The following ADAMTS17 variants were observed in gnomAD, a reference collection of about 807,000 sequenced individuals.
ADAMTS17 encodes ADAM metallopeptidase with thrombospondin type 1 motif 17.
ADAMTS17 carries 113 observed loss-of-function variants against 141.5 expected under a neutral mutation model. That is an observed-to-expected ratio of 0.80 (90% CI 0.69 to 0.93). The LOEUF (loss-of-function observed/expected upper bound fraction) is 0.93. Ranked by LOEUF, ADAMTS17 falls within the 40% of genes least tolerant of loss-of-function variation. The pLI is 0.00. For missense variants in ADAMTS17, 1,659 were observed against 1,517.9 expected (o/e 1.09, Z -1.54); for synonymous variants, 768 against 630.6 (o/e 1.22, Z -3.27).
chr15:100,117,379 G>A (rs1216268998), intron 12 of ADAMTS17, among the ~76,000 whole-genome samples: 1 of 150,670 alleles, frequency 6.6e-6, no homozygotes, highest in South Asian at 2.1e-4. Flanking sequence ...GTGTTCTGCA[G>A]GGGTCTTCTC....
At chr15:100,218,632 C>T (rs1405704222) in intron 7 of ADAMTS17, among the ~76,000 whole-genome samples, 8 of 152,196 alleles carry the variant, frequency 5.3e-5, no homozygotes, top group East Asian at 1.9e-4. Context: ...GAATGTAAAA[C>T]GGTGTAGACA....
chr15:100,091,850 T>C (rs146729847), intron 15 of ADAMTS17, among the ~76,000 whole-genome samples: 5 of 152,346 alleles, frequency 3.3e-5, no homozygotes, highest in Non-Finnish European at 7.4e-5. Flanking sequence ...TTTCTCTTCT[T>C]ACAAAAGTTA....
At chr15:100,310,866 G>A (rs549124410) in intron 3 of ADAMTS17, among the ~76,000 whole-genome samples, 1 of 152,300 alleles carries the variant, frequency 6.6e-6, no homozygotes, top group East Asian at 1.9e-4. Flanking sequence ...CCCCATACAG[G>A]TTCCAGCAGG....
chr15:99,985,069 C>T (rs1203259457), intron 20 of ADAMTS17, among the ~76,000 whole-genome samples: 1 of 152,236 alleles, frequency 6.6e-6, no homozygotes, highest in Non-Finnish European at 1.5e-5. Context: ...TCAGCAAGCT[C>T]ACTGCTCTCA....
intron 18 of ADAMTS17, among the ~76,000 whole-genome samples, chr15:100,045,599 T>A (rs527288360): frequency 1.1e-4 from 17 of 152,284 alleles, no homozygotes; most frequent in African/African-American, 3.6e-4. Context: ...TTCCCAGAGA[T>A]TCTTGAGATA....
intron 10 of ADAMTS17, among the ~76,000 whole-genome samples, chr15:100,134,312 G>C (rs569221712): frequency 6.6e-6 from 1 of 152,196 alleles, no homozygotes; most frequent in African/African-American, 2.4e-5. Context: ...AGTGCTTCCT[G>C]GGATCACTTC....
chr15:100,142,554 A>T (rs2038709090), intron 10 of ADAMTS17, among the ~76,000 whole-genome samples: 1 of 152,250 alleles, frequency 6.6e-6, no homozygotes, highest in Admixed American at 6.5e-5. Context: ...GCTTTAATTC[A>T]GTTACTACTA....
At chr15:100,337,182 C>A (rs1050504397) in intron 2 of ADAMTS17, among the ~76,000 whole-genome samples, 2 of 152,246 alleles carry the variant, frequency 1.3e-5, no homozygotes, top group Non-Finnish European at 2.9e-5. Context: ...CTGCCCCCAT[C>A]TATTCTTATC....
chr15:100,188,795 A>C (rs1269583101), intron 8 of ADAMTS17, among the ~76,000 whole-genome samples: 1 of 152,224 alleles, frequency 6.6e-6, no homozygotes, highest in Non-Finnish European at 1.5e-5. Context: ...CAATCCCTGA[A>C]AGCCTTCTAG....
At chr15:100,244,911 T>C (rs2042940863) in intron 7 of ADAMTS17, among the ~76,000 whole-genome samples, 1 of 152,176 alleles carries the variant, frequency 6.6e-6, no homozygotes, top group Non-Finnish European at 1.5e-5. Flanking sequence ...AGTTTCCATT[T>C]ATGATTCTAC....
At chr15:100,294,022 T>C (rs1481963039) in intron 3 of ADAMTS17, among the ~76,000 whole-genome samples, 2 of 152,064 alleles carry the variant, frequency 1.3e-5, no homozygotes, top group African/African-American at 4.8e-5. Flanking sequence ...TGACAGTGGG[T>C]GAGTTTCCTT....
intron 4 of ADAMTS17, among the ~76,000 whole-genome samples, chr15:100,267,405 T>G (rs1465573624): frequency 1.3e-5 from 2 of 152,246 alleles, no homozygotes; most frequent in Non-Finnish European, 2.9e-5. Flanking sequence ...GTTTTTGCCA[T>G]CGTTCGGCCA....
intron 20 of ADAMTS17, chr15:99,980,397 C>G (rs2060460246): frequency 6.6e-6 from 1 of 152,226 alleles, no homozygotes; most frequent in Admixed American, 6.5e-5. Context: ...TCCCTTTTCT[C>G]TTCAGATCTT....
intron 15 of ADAMTS17, among the ~76,000 whole-genome samples, chr15:100,058,562 C>A (rs2032841337): frequency 6.6e-6 from 1 of 152,236 alleles, no homozygotes; most frequent in African/African-American, 2.4e-5. Flanking sequence ...GGCAGGAGGG[C>A]ACACCTGGAG....
At chr15:100,209,482 C>T (rs1463884929) in intron 7 of ADAMTS17, among the ~76,000 whole-genome samples, 1 of 152,142 alleles carries the variant, frequency 6.6e-6, no homozygotes, top group Non-Finnish European at 1.5e-5. Flanking sequence ...GTTGACTCAA[C>T]AGTCATGAAC....
chr15:100,039,218 G>T (rs1209029816), intron 18 of ADAMTS17, among the ~76,000 whole-genome samples: 3 of 152,124 alleles, frequency 2.0e-5, no homozygotes, highest in Non-Finnish European at 2.9e-5. Context: ...TTATTCTGCT[G>T]TACTATTTTC....
chr15:100,233,903 C>T lies in ADAMTS17; in HGVS notation c.1075+20233G>A, dbSNP rs140276592. Among the ~76,000 whole-genome samples the T allele has an allele frequency of 4.5e-3, 689 of 152,162 alleles. 2 individuals are homozygous for T. Among genetic ancestry groups the T allele is most frequent in the African/African-American group, 0.015 (602 of 41,508 alleles). The stretch of plus-strand genomic sequence containing the variant: ...CAGGAAGAGAGGTTGGCAGGAGAAC[C>T]CTGGGCCACATGTCCTGGGCGCCCT... On this transcript the variant is annotated intron_variant, in intron 7 of 21. Transcript: ENST00000268070.
intron 15 of ADAMTS17, among the ~76,000 whole-genome samples, chr15:100,080,927 T>C (rs1012195423): frequency 6.6e-6 from 1 of 152,212 alleles, no homozygotes; most frequent in African/African-American, 2.4e-5. Flanking sequence ...CTATGTGTGT[T>C]CTCAGGAGAT....
chr15:100,325,402 C>T (rs1408441980), intron 3 of ADAMTS17, among the ~76,000 whole-genome samples: 1 of 152,172 alleles, frequency 6.6e-6, no homozygotes, highest in Non-Finnish European at 1.5e-5. Flanking sequence ...TGGGATCCTC[C>T]TAAGAGGAAA....
Sources: gnomAD v4.1 joint callset for allele counts (sites outside exome capture counted in the v4.1 genomes callset) on GRCh38, gnomAD v4.1.1 for gene constraint, MANE v1.5 for transcripts, NCBI Gene and HGNC (gene_info 2026-07-23, HGNC 2026-07-21) for gene names.